Variants in CTNNA2 observed in about 807,000 individuals in gnomAD.
CTNNA2 encodes the protein catenin alpha-2.
CTNNA2 carries 42 observed loss-of-function variants against 101.0 expected under a neutral mutation model. The observed-to-expected ratio is 0.42, with a 90% CI of 0.32 to 0.54. The LOEUF (loss-of-function observed/expected upper bound fraction) is 0.54, where lower values mean the gene tolerates loss of function less well. Ranked by LOEUF, CTNNA2 falls within the 20% of genes least tolerant of loss-of-function variation. The pLI is 0.14. For missense variants in CTNNA2, 871 were observed against 1,223.1 expected (o/e 0.71, Z 4.29); for synonymous variants, 450 against 456.4 (o/e 0.99, Z 0.18).
chr2:79,912,366 G>A (rs542717590), intron 7 of CTNNA2, among the ~76,000 whole-genome samples: 1 of 152,320 alleles, frequency 6.6e-6, no homozygotes, highest in South Asian at 2.1e-4. Context: ...CATGGAGCAT[G>A]GGCTATGACT....
chr2:80,145,443 T>C (rs1484461), intron 7 of CTNNA2, among the ~76,000 whole-genome samples: 76,618 of 151,754 alleles, frequency 0.5, 19,976 homozygotes, highest in Non-Finnish European at 0.57. Context: ...CTAGCCACTG[T>C]TGGGGGTTTT....
intron 1 of CTNNA2, among the ~76,000 whole-genome samples, chr2:79,565,426 G>A (rs1024461989): frequency 5.9e-5 from 9 of 152,032 alleles, no homozygotes; most frequent in African/African-American, 1.4e-4. Context: ...CTCAGTGTGC[G>A]GTCCAGTCAG....
intron 7 of CTNNA2, chr2:80,162,411 A>G: frequency 3.3e-6 from 5 of 1,515,166 alleles, no homozygotes; most frequent in Non-Finnish European, 4.4e-6. Flanking sequence ...AAAGGGCCTA[A>G]AATGACCCTA....
At chr2:79,523,438 G>GT (rs922956725) in intron 1 of CTNNA2, 13 of 187,522 alleles carry the variant, frequency 6.9e-5, no homozygotes, top group East Asian at 1.5e-4. Context: ...ATACACCATT[G>GT]TTTTTTTTAA....
chr2:79,967,852 G>A (rs949537157), intron 7 of CTNNA2, among the ~76,000 whole-genome samples: 1 of 152,148 alleles, frequency 6.6e-6, no homozygotes, highest in Non-Finnish European at 1.5e-5. Flanking sequence ...ATAAAAAATT[G>A]CGGTAATGTT....
intron 7 of CTNNA2, among the ~76,000 whole-genome samples, chr2:80,322,777 G>A (rs897116180): frequency 2.7e-4 from 41 of 152,052 alleles, no homozygotes; most frequent in African/African-American, 8.7e-4. Flanking sequence ...CTTCTCACTC[G>A]GTGCCACTCG....
At chr2:80,012,390 G>T (rs188507845) in intron 7 of CTNNA2, among the ~76,000 whole-genome samples, 8 of 152,256 alleles carry the variant, frequency 5.3e-5, no homozygotes, top group Middle Eastern at 3.4e-3. Context: ...ATCTTATAAA[G>T]CTGTCTTGTT....
intron 7 of CTNNA2, among the ~76,000 whole-genome samples, chr2:80,058,385 T>C (rs1697363618): frequency 6.6e-6 from 1 of 152,212 alleles, no homozygotes; most frequent in Non-Finnish European, 1.5e-5. Flanking sequence ...GATCACATGG[T>C]AGATAAGGAC....
At chr2:79,451,031 A>C (rs1326932991) in intron 4 of CTNNA2, among the ~76,000 whole-genome samples, 2 of 152,106 alleles carry the variant, frequency 1.3e-5, no homozygotes, top group Non-Finnish European at 2.9e-5. Context: ...TAATGTGTAC[A>C]TCTGTGGGAT....
At chr2:79,945,554 CA>C (rs774472007) in intron 7 of CTNNA2, among the ~76,000 whole-genome samples, 4 of 151,948 alleles carry the variant, frequency 2.6e-5, no homozygotes, top group Non-Finnish European at 4.4e-5. Flanking sequence ...GTTCATTGAC[CA>C]ATGTGTTTAA....
chr2:79,607,585 A>G (rs890834260), intron 1 of CTNNA2, among the ~76,000 whole-genome samples: 5 of 152,160 alleles, frequency 3.3e-5, no homozygotes, highest in Non-Finnish European at 7.4e-5. Context: ...TTCTCAGACA[A>G]CAATGGAAGT....
chr2:79,291,669 C>T (rs761768009), intron 2 of CTNNA2, among the ~76,000 whole-genome samples: 1 of 152,180 alleles, frequency 6.6e-6, no homozygotes, highest in Non-Finnish European at 1.5e-5. Flanking sequence ...CTAATTTCAA[C>T]CTTTCTCCTA....
At chr2:79,785,082 G>A (rs1271975648) in intron 3 of CTNNA2, among the ~76,000 whole-genome samples, 1 of 152,102 alleles carries the variant, frequency 6.6e-6, no homozygotes, top group Admixed American at 6.6e-5. Context: ...TCTCTTAACC[G>A]GATCCTGGGG....
At chr2:79,377,465 A>G (rs1171655681) in intron 4 of CTNNA2, among the ~76,000 whole-genome samples, 1 of 152,204 alleles carries the variant, frequency 6.6e-6, no homozygotes, top group African/African-American at 2.4e-5. Flanking sequence ...TAGACAGACA[A>G]TTCACCATAG....
chr2:79,306,894 C>T (rs1220318061), intron 2 of CTNNA2, among the ~76,000 whole-genome samples: 1 of 152,152 alleles, frequency 6.6e-6, no homozygotes, highest in African/African-American at 2.4e-5. Context: ...TCTACATGTG[C>T]ATTAGCCATT....
chr2:79,251,088 A>G (rs1005892112), intron 2 of CTNNA2, among the ~76,000 whole-genome samples: 1 of 152,184 alleles, frequency 6.6e-6, no homozygotes, highest in Non-Finnish European at 1.5e-5. Context: ...TTTATCATGA[A>G]CAAACCACAG....
chr2:79,411,750 A>G (rs956658748), intron 4 of CTNNA2, among the ~76,000 whole-genome samples: 7 of 152,146 alleles, frequency 4.6e-5, no homozygotes, highest in Non-Finnish European at 8.8e-5. Context: ...AGGAAACACT[A>G]AACATGGAAA....
chr2:79,495,477 G>A (rs1446340303), intron 4 of CTNNA2, among the ~76,000 whole-genome samples: 1 of 152,112 alleles, frequency 6.6e-6, no homozygotes, highest in Non-Finnish European at 1.5e-5. Flanking sequence ...TAACATGTTG[G>A]CAAGGATGCG....
intron 1 of CTNNA2, among the ~76,000 whole-genome samples, chr2:79,531,510 A>G (rs967984659): frequency 2.0e-5 from 3 of 152,164 alleles, no homozygotes; most frequent in African/African-American, 7.2e-5. Context: ...AGCAACGGAA[A>G]CAGTCTCCTT....
Sources: allele counts gnomAD v4.1 joint callset (sites outside exome capture counted in the v4.1 genomes callset), GRCh38; gene constraint gnomAD v4.1.1; transcripts MANE v1.5; gene names NCBI Gene and HGNC (gene_info 2026-07-23, HGNC 2026-07-21).